Variants in DNAH5 observed in about 807,000 individuals in gnomAD.
DNAH5 encodes dynein axonemal heavy chain 5.
DNAH5 carries 372 observed loss-of-function variants against 518.2 expected under a neutral mutation model. That is an observed-to-expected ratio of 0.72 (90% CI 0.66 to 0.78). The LOEUF (loss-of-function observed/expected upper bound fraction) is 0.78. Among genes scored for constraint, DNAH5 ranks in the 30% least tolerant of loss-of-function variants. The pLI is 0.00. For synonymous variants in DNAH5, 2,039 were observed against 2,025.9 expected (o/e 1.01, Z -0.17); for missense variants, 5,523 against 5,687.0 (o/e 0.97, Z 0.93).
intron 38 of DNAH5, among the ~76,000 whole-genome samples, chr5:13,829,116 A>G (rs1219329503): frequency 4.6e-5 from 7 of 152,242 alleles, no homozygotes; most frequent in Non-Finnish European, 1.0e-4. Context: ...TAAACAAGAC[A>G]GTTAGTAAAC....
In DNAH5 at chr5:13,844,976, C is replaced by A; in HGVS notation, c.5132G>T (p.Arg1711Leu). The change falls in exon 32 of 79, where the codon CGA (arginine) becomes CTA (leucine). Residue 1711 changes from arginine to leucine, a missense_variant. Transcript: ENST00000265104. ...KSLTGYLEKK[R>L]LCFPRFFFVS... ...GAAGAAAAACCGAGGAAAGCACAGT[C>A]GTTTTTTCTCCAAGTACCTACAAGG... 1 of 1,613,948 alleles carries A rather than the reference C, an allele frequency of 6.2e-7. No homozygotes were observed. The highest frequency in any genetic ancestry group is 1.1e-5 in the South Asian group (1 of 91,018).
At chr5:13,866,130 C>A in intron 26 of DNAH5, 90 bp downstream of exon 26, 1 of 1,186,086 alleles carries the variant, frequency 8.4e-7, no homozygotes, top group Non-Finnish European at 1.2e-6. Flanking sequence ...CACAATAGGG[C>A]CCTCTATCTT....
chr5:13,848,116 G>C (rs706269), intron 31 of DNAH5, among the ~76,000 whole-genome samples: 2 of 152,170 alleles, frequency 1.3e-5, no homozygotes, highest in African/African-American at 4.8e-5. Flanking sequence ...ATGGAATGGC[G>C]CAGCATCAAT....
At chr5:13,937,311 A>C (rs763936274) in intron 1 of DNAH5, among the ~76,000 whole-genome samples, 5 of 150,488 alleles carry the variant, frequency 3.3e-5, no homozygotes, top group Non-Finnish European at 7.4e-5. Context: ...GAGGAGTTGT[A>C]GATGGAGACC....
At chr5:13,768,223 C>T (rs150228057) in intron 58 of DNAH5, among the ~76,000 whole-genome samples, 21 of 151,956 alleles carry the variant, frequency 1.4e-4, no homozygotes, top group Non-Finnish European at 2.2e-4. Flanking sequence ...ATCATGGGGA[C>T]AGTTTCCCCC....
chr5:13,921,203 C>A (rs1777220147), intron 5 of DNAH5, among the ~76,000 whole-genome samples: 1 of 152,146 alleles, frequency 6.6e-6, no homozygotes. Context: ...TAGCTGGAGT[C>A]ATCCTGTGTC....
chr5:13,903,111 G>T (rs1343675803), intron 12 of DNAH5, among the ~76,000 whole-genome samples: 1 of 151,936 alleles, frequency 6.6e-6, no homozygotes, highest in Non-Finnish European at 1.5e-5. Flanking sequence ...AGAAGAAACA[G>T]AAATCATAAA....
In DNAH5 at chr5:13,824,487, A is replaced by G. The variant is rs566540516; in HGVS notation, c.6445-154T>C. Among the ~76,000 whole-genome samples the G allele has an allele frequency of 2.6e-5, 4 of 152,338 alleles. No individual in the cohort carries two copies. In the South Asian group the frequency reaches 6.2e-4, roughly 24 times the overall value. ...ACAATGGGGTAAAATATTTCTATAT[A>G]GATATACGTTTTGAGCAAATAGGGA... On this transcript the variant is annotated intron_variant, in intron 38 of 78. Transcript: ENST00000265104.
chr5:13,898,790 A>G (rs1580797652), intron 15 of DNAH5: 1 of 395,012 alleles, frequency 2.5e-6, no homozygotes, highest in Non-Finnish European at 4.5e-6. Flanking sequence ...TGAAATTTTA[A>G]CAATGGTTTC....
chr5:13,778,519 G>C (rs930139673), intron 53 of DNAH5, among the ~76,000 whole-genome samples: 4 of 140,582 alleles, frequency 2.8e-5, no homozygotes, highest in African/African-American at 1.1e-4. Flanking sequence ...AGGGAGGGGA[G>C]AGAAAGTGAG....
In DNAH5 at chr5:13,691,720, G is replaced by C. The variant is rs1394814194; in HGVS notation, c.*264C>G. 3.9e-5 allele frequency: 18 copies of C among 462,694 alleles called. No homozygotes were observed. The allele number at this position is 462,694 out of a possible 1,614,324, so 28.7% of individuals were successfully genotyped here. ...AAGTAAGAAGAAAATATACTACTGT[G>C]GATTTGAGGGCCACACTTCATTAGG... On this transcript the variant is annotated 3_prime_UTR_variant, in exon 79 of 79. Transcript: ENST00000265104.
chr5:13,772,118 C>T (rs1375065906), intron 55 of DNAH5, among the ~76,000 whole-genome samples: 2 of 152,176 alleles, frequency 1.3e-5, no homozygotes, highest in African/African-American at 4.8e-5. Flanking sequence ...AGTCTAGGTA[C>T]TGGAACCATA....
At chr5:13,923,243 T>G in intron 4 of DNAH5, 37 bp downstream of exon 4, 1 of 1,613,484 alleles carries the variant, frequency 6.2e-7, no homozygotes, top group Non-Finnish European at 8.5e-7. Flanking sequence ...GTGTGTTTTT[T>G]GGTAATTCAG....
chr5:13,918,915 A>G (rs1025506817), intron 7 of DNAH5, among the ~76,000 whole-genome samples: 32 of 152,228 alleles, frequency 2.1e-4, no homozygotes, highest in Non-Finnish European at 4.6e-4. Context: ...ATATATATAT[A>G]AACATGCTAT....
At chr5:13,911,772 A>AT (rs1415981719) in intron 11 of DNAH5, among the ~76,000 whole-genome samples, 2 of 152,138 alleles carry the variant, frequency 1.3e-5, no homozygotes, top group Admixed American at 6.6e-5. Context: ...ATTGGGAAAG[A>AT]TTTTTTCCAC....
chr5:13,859,628 G>A, intron 29 of DNAH5, 23 bp from the exon 30 acceptor site: 3 of 1,612,220 alleles, frequency 1.9e-6, no homozygotes. Context: ...ATAGGTTTAG[G>A]GTTTGGTTTT....
intron 65 of DNAH5, among the ~76,000 whole-genome samples, chr5:13,738,035 C>G (rs1747827978): frequency 6.7e-6 from 1 of 150,202 alleles, no homozygotes; most frequent in Non-Finnish European, 1.5e-5. Context: ...TGCACTCCAG[C>G]CTGGACAACA....
chr5:13,963,279 T>C (rs1781307295), intron 1 of DNAH5, among the ~76,000 whole-genome samples: 1 of 151,980 alleles, frequency 6.6e-6, no homozygotes, highest in African/African-American at 2.4e-5. Context: ...TTACATTCCT[T>C]AAAAAATAAA....
chr5:13,914,500 A>T lies in DNAH5; in HGVS notation c.1320+20T>A, dbSNP rs1248393304. 6.2e-7 allele frequency: 1 copy of T among 1,611,238 alleles called. No homozygotes were observed. Among genetic ancestry groups the T allele is most frequent in the East Asian group, 2.2e-5 (1 of 44,786 alleles). On this transcript the variant is annotated intron_variant, in intron 10 of 78. Transcript: ENST00000265104. ...TAAGATAAAAAGAATAGAACATCTA[A>T]ATACTAAACTGACCATTACCTGTTT...
Sources: gnomAD v4.1 joint callset for allele counts (sites outside exome capture counted in the v4.1 genomes callset) on GRCh38, gnomAD v4.1.1 for gene constraint, MANE v1.5 for transcripts, NCBI Gene and HGNC (gene_info 2026-07-23, HGNC 2026-07-21) for gene names.